PALM2AKAP2: variants seen among roughly 807,000 people sequenced by gnomAD.
PALM2AKAP2 encodes PALM2 and AKAP2 fusion, also known as PALM2-AKAP2 fusion protein.
PALM2AKAP2 carries 37 observed loss-of-function variants against 71.5 expected under a neutral mutation model. That is an observed-to-expected ratio of 0.52 (90% CI 0.40 to 0.68). PALM2AKAP2 has a LOEUF of 0.68. PALM2AKAP2 is among the 30% of genes least tolerant of loss of function. The probability of loss-of-function intolerance (pLI) is 0.00; values close to 1 mark genes in which losing one functional copy is unlikely to be tolerated. For missense variants in PALM2AKAP2, 1,224 were observed against 1,191.8 expected, an observed-to-expected ratio of 1.03 and a Z score of -0.40; for synonymous variants, 468 against 478.8, an observed-to-expected ratio of 0.98 and a Z score of 0.29.
At chr9:109,997,927 C>A (rs1832606648) in intron 6 of PALM2AKAP2, among the ~76,000 whole-genome samples, 1 of 152,212 alleles carries the variant, frequency 6.6e-6, no homozygotes, top group African/African-American at 2.4e-5. Context: ...AAAGGCAGAT[C>A]ATTGTTCTGA....
intron 6 of PALM2AKAP2, among the ~76,000 whole-genome samples, chr9:109,947,471 A>G (rs1005376541): frequency 2.6e-5 from 4 of 152,328 alleles, no homozygotes; most frequent in East Asian, 1.9e-4. Context: ...CTTGAAAATT[A>G]CCATTTATTT....
chr9:109,704,509 C>A (rs1364352859), intron 1 of PALM2AKAP2, among the ~76,000 whole-genome samples: 1 of 152,184 alleles, frequency 6.6e-6, no homozygotes, highest in Non-Finnish European at 1.5e-5. Context: ...GAGGATACTG[C>A]AGAATGGAGT....
At chr9:109,846,474 A>C (rs952178220) in intron 1 of PALM2AKAP2, among the ~76,000 whole-genome samples, 1 of 152,166 alleles carries the variant, frequency 6.6e-6, no homozygotes, top group Non-Finnish European at 1.5e-5. Flanking sequence ...AAGCTGTGTG[A>C]TTTAGGATTC....
At chr9:109,790,660 A>G (rs1177278601) in intron 1 of PALM2AKAP2, among the ~76,000 whole-genome samples, 1 of 152,192 alleles carries the variant, frequency 6.6e-6, no homozygotes, top group Non-Finnish European at 1.5e-5. Flanking sequence ...GCTGGGTGGC[A>G]TGAACTCAGT....
At chr9:110,107,627 T>G (rs572856390) in intron 1 of PALM2AKAP2, among the ~76,000 whole-genome samples, 1 of 152,298 alleles carries the variant, frequency 6.6e-6, no homozygotes, top group Admixed American at 6.5e-5. Context: ...AGTGCAGTTG[T>G]GCCATCTCAG....
intron 7 of PALM2AKAP2, among the ~76,000 whole-genome samples, chr9:110,034,324 A>G (rs1833340886): frequency 6.6e-6 from 1 of 151,300 alleles, no homozygotes; most frequent in African/African-American, 2.4e-5. Context: ...ACGCCCGGCT[A>G]ATTTTGTATT....
intron 1 of PALM2AKAP2, among the ~76,000 whole-genome samples, chr9:109,808,743 A>T (rs1423448571): frequency 1.3e-5 from 2 of 152,258 alleles, no homozygotes; most frequent in Non-Finnish European, 2.9e-5. Flanking sequence ...AGAGGTCTTC[A>T]TGGCAGCCCC....
intron 1 of PALM2AKAP2, among the ~76,000 whole-genome samples, chr9:109,824,948 A>G (rs1446941439): frequency 6.6e-6 from 1 of 152,228 alleles, no homozygotes; most frequent in Non-Finnish European, 1.5e-5. Flanking sequence ...CAGCCTGTGG[A>G]GGAGTTGTGC....
At chr9:109,765,235 T>C (rs1359816780) in intron 1 of PALM2AKAP2, among the ~76,000 whole-genome samples, 1 of 152,342 alleles carries the variant, frequency 6.6e-6, no homozygotes, top group Admixed American at 6.5e-5. Context: ...CTCAGTGATT[T>C]GTGAAGAGGT....
intron 1 of PALM2AKAP2, among the ~76,000 whole-genome samples, chr9:109,856,559 G>T (rs1829171520): frequency 1.3e-5 from 2 of 152,192 alleles, no homozygotes. Flanking sequence ...GAACAAAGCT[G>T]GTAGGGATGA....
intron 1 of PALM2AKAP2, among the ~76,000 whole-genome samples, chr9:109,653,297 C>T (rs544617073): frequency 3.6e-4 from 55 of 152,108 alleles, no homozygotes; most frequent in Admixed American, 9.8e-4. Context: ...ACAAACAAAA[C>T]GATATGAAGA....
At chr9:109,991,700 A>G (rs996893166) in intron 6 of PALM2AKAP2, among the ~76,000 whole-genome samples, 3 of 152,230 alleles carry the variant, frequency 2.0e-5, no homozygotes, top group African/African-American at 7.2e-5. Flanking sequence ...AGCTTGTGCA[A>G]CGTAGCTCTG....
chr9:110,037,436 C>T (rs939659144), intron 7 of PALM2AKAP2, among the ~76,000 whole-genome samples: 4 of 152,192 alleles, frequency 2.6e-5, no homozygotes, highest in African/African-American at 9.6e-5. Context: ...GAACTCCCGA[C>T]CTCAGGTAAT....
At chr9:109,721,238 T>TG (rs1828400397) in intron 1 of PALM2AKAP2, among the ~76,000 whole-genome samples, 1 of 152,182 alleles carries the variant, frequency 6.6e-6, no homozygotes, top group Admixed American at 6.5e-5. Flanking sequence ...CCTAAGGAGC[T>TG]GGGCATTTGC....
chr9:109,977,844 T>C (rs1045285341), intron 6 of PALM2AKAP2, among the ~76,000 whole-genome samples: 3 of 152,094 alleles, frequency 2.0e-5, no homozygotes, highest in Non-Finnish European at 4.4e-5. Context: ...AGCTCTGTTT[T>C]CAGTCCCACC....
intron 6 of PALM2AKAP2, among the ~76,000 whole-genome samples, chr9:109,961,345 C>T (rs1313859799): frequency 2.0e-5 from 3 of 152,154 alleles, no homozygotes; most frequent in Non-Finnish European, 2.9e-5. Context: ...CATATTCTTC[C>T]TTGATTTTCT....
intron 1 of PALM2AKAP2, among the ~76,000 whole-genome samples, chr9:109,709,677 A>G (rs947778787): frequency 2.6e-5 from 4 of 152,140 alleles, no homozygotes; most frequent in Admixed American, 1.3e-4. Flanking sequence ...TAGCATGAAT[A>G]GAAAGAATGG....
chr9:109,831,174 CACACACACAA>C (rs71507991), intron 1 of PALM2AKAP2, among the ~76,000 whole-genome samples: 22,149 of 145,750 alleles, frequency 0.15, 2,072 homozygotes, highest in East Asian at 0.31. Context: ...CACACACACA[CACACACACAA>C]GCATAAATAG....
intron 2 of PALM2AKAP2, among the ~76,000 whole-genome samples, chr9:110,144,001 G>A (rs1426409981): frequency 6.6e-6 from 1 of 152,176 alleles, no homozygotes; most frequent in Non-Finnish European, 1.5e-5. Context: ...TCTTAACTGG[G>A]TCTCTGTTCT....
Sources: gnomAD v4.1 joint callset for allele counts (sites outside exome capture counted in the v4.1 genomes callset) on GRCh38, gnomAD v4.1.1 for gene constraint, MANE v1.5 for transcripts, NCBI Gene and HGNC (gene_info 2026-07-23, HGNC 2026-07-21) for gene names.